Variants in DRICH1 observed in about 807,000 individuals in gnomAD.
The protein encoded by DRICH1 is aspartate-rich protein 1.
A neutral mutation model predicts 39.5 loss-of-function variants in DRICH1; 38 were observed. That is an observed-to-expected ratio of 0.96 (90% CI 0.74 to 1.26). DRICH1 has a LOEUF of 1.26. Ranked by LOEUF, DRICH1 falls within the 50% of genes most tolerant of loss-of-function variation. The probability of loss-of-function intolerance (pLI) is 0.00; values close to 1 mark genes in which losing one functional copy is unlikely to be tolerated. For synonymous variants in DRICH1, 84 were observed against 99.5 expected (o/e 0.84, Z 0.93); for missense variants, 279 against 270.4 (o/e 1.03, Z -0.22).
chr22:23,613,969 C>A (rs1157710360), intron 9 of DRICH1, among the ~76,000 whole-genome samples, 166 bp downstream of exon 9: 1 of 152,122 alleles, frequency 6.6e-6, no homozygotes, highest in Non-Finnish European at 1.5e-5. Context: ...CCTAGTGGAC[C>A]ACATATAAGT....
At chr22:23,623,418 A>G (rs1927885607) in intron 3 of DRICH1, among the ~76,000 whole-genome samples, 2 of 152,182 alleles carry the variant, frequency 1.3e-5, no homozygotes, top group Non-Finnish European at 2.9e-5. Flanking sequence ...AACAAAAAAG[A>G]AAAGAAAAAA....
At chr22:23,626,843 T>C (rs1313366110) in intron 1 of DRICH1, among the ~76,000 whole-genome samples, 2 of 152,142 alleles carry the variant, frequency 1.3e-5, no homozygotes, top group Non-Finnish European at 2.9e-5. Flanking sequence ...GAACCACTTT[T>C]AACTTTTTCC....
At chr22:23,627,045 G>A (rs1459934838) in intron 1 of DRICH1, among the ~76,000 whole-genome samples, 2 of 151,530 alleles carry the variant, frequency 1.3e-5, no homozygotes, top group East Asian at 1.9e-4. Context: ...CCATTGCACG[G>A]TGGCTGTTGT....
In DRICH1 at chr22:23,612,745, T is replaced by C. The variant is rs1927115305; in HGVS notation, c.685+544A>G. Among the ~76,000 whole-genome samples, 4 of 151,796 alleles carry C rather than the reference T, an allele frequency of 2.6e-5. No individual in the cohort carries two copies. The South Asian group carries it at 8.3e-4, about 32-fold the overall frequency. On this transcript the variant is annotated intron_variant, in intron 11 of 11. Coordinates refer to ENST00000317749, the MANE Select transcript of DRICH1 (RefSeq NM_016449.4). ...TGGAGTTTTACCAGTGACCCCAGAG[T>C]GAATATTCACTCCACCATCCACTCC...
At chr22:23,619,269 A>G in intron 6 of DRICH1, 95 bp downstream of exon 6, 1 of 734,898 alleles carries the variant, frequency 1.4e-6, no homozygotes, top group Non-Finnish European at 2.5e-6. Context: ...AAAAGTAAAA[A>G]ACATACAAAT....
Position 23,632,230 on chromosome 22 carries a change from A to C in DRICH1, c.-207T>G. 3 of 792,754 alleles carry C rather than the reference A, an allele frequency of 3.8e-6. No homozygotes were observed. In the South Asian group the frequency reaches 5.7e-5, roughly 15 times the overall value. The allele number at this position is 792,754 out of a possible 1,614,324, so 49.1% of individuals were successfully genotyped here. The stretch of plus-strand genomic sequence containing the variant: ...AGGGACCTGCTGTCTTCTTTGAAAA[A>C]TAAACGAACATGACAAGCACCCAAA... On this transcript the variant is annotated 5_prime_UTR_variant, in exon 1 of 12. An upstream open reading frame in the 5' UTR gains an earlier in-frame stop. Transcript: ENST00000317749.
intron 4 of DRICH1, among the ~76,000 whole-genome samples, chr22:23,620,884 A>T (rs1202370591): frequency 6.6e-6 from 1 of 152,212 alleles, no homozygotes; most frequent in Non-Finnish European, 1.5e-5. Flanking sequence ...CAAAGAGAAA[A>T]ACTGGTGTGG....
At chr22:23,607,546 G>GGC (rs1555908378), downstream of DRICH1, among the ~76,000 whole-genome samples, 334 of 150,656 alleles carry the variant, frequency 2.2e-3, 2 homozygotes, top group African/African-American at 7.2e-3. Context: ...GGCGGGGGGG[G>GGC]GCCTCTTGCC....
chr22:23,607,466 G>C (rs557111421), downstream of DRICH1, among the ~76,000 whole-genome samples: 1 of 151,956 alleles, frequency 6.6e-6, no homozygotes, highest in East Asian at 1.9e-4. Context: ...GACCCTCATT[G>C]TGAGGATGGG....
At chr22:23,612,384 G>A (rs34888743) in intron 11 of DRICH1, among the ~76,000 whole-genome samples, 5,453 of 149,522 alleles carry the variant, frequency 0.036, 136 homozygotes, top group East Asian at 0.072. Context: ...CGAGAATGGC[G>A]TGAACCCGGG....
chr22:23,622,148 T>C lies in DRICH1; in HGVS notation c.327A>G (p.Val109=), dbSNP rs201429034. 1.2e-5 allele frequency: 19 copies of C among 1,614,118 alleles called. No homozygotes were observed. The highest frequency in any genetic ancestry group is 6.7e-5 in the Admixed American group (4 of 60,016). The change falls in exon 4 of 12, where the codon GTA becomes GTG. Residue 109 remains valine (V), a synonymous_variant. Transcript: ENST00000317749. The part of the protein sequence containing the change: ...QGSSEDNLSL[V]CLPRSEDDDC... The stretch of plus-strand genomic sequence containing the variant: ...CATCATCTTCACTTCGTGGTAGGCA[T>C]ACTAAACTCAGGTTGTCCTCAGAAG...
the DRICH1 span, among the ~76,000 whole-genome samples, chr22:23,599,952 C>T: frequency 3.9e-5 from 6 of 152,144 alleles, no homozygotes; most frequent in South Asian, 2.1e-4. Flanking sequence ...AGGTTGATCC[C>T]GCTTTGCCTG....
intron 10 of DRICH1, 127 bp from the exon 11 acceptor site, chr22:23,613,457 C>T (rs1927163471): frequency 1.1e-6 from 1 of 944,070 alleles, no homozygotes; most frequent in South Asian, 1.3e-5. Context: ...ACATGATCCC[C>T]TAATCTTTCT....
At chr22:23,619,514 C>CT in intron 5 of DRICH1, 121 bp from the exon 6 acceptor site, 1 of 709,476 alleles carries the variant, frequency 1.4e-6, no homozygotes, top group South Asian at 1.5e-5. Flanking sequence ...TTGAAATCTA[C>CT]AAAAAACAGA....
At chr22:23,581,695 A>C in the DRICH1 span, 59,714 of 149,418 alleles carry the variant, frequency 0.4, 14,197 homozygotes, top group East Asian at 0.79. Context: ...AAACCTCCGA[A>C]TCCCTGGTTC....
At chr22:23,620,674 C>T in intron 4 of DRICH1, 59 bp from the exon 5 acceptor site, 2 of 1,582,124 alleles carry the variant, frequency 1.3e-6, no homozygotes. Context: ...GCACCCCTTA[C>T]ACAGATCTGT....
chr22:23,628,879 C>T (rs559467404), intron 1 of DRICH1, among the ~76,000 whole-genome samples: 95 of 152,240 alleles, frequency 6.2e-4, no homozygotes, highest in Non-Finnish European at 1.3e-3. Context: ...CAAGAGAAAG[C>T]AATGAAACTC....
the DRICH1 span, among the ~76,000 whole-genome samples, chr22:23,601,145 C>CGT: frequency 2.0e-3 from 284 of 144,174 alleles, 3 homozygotes; most frequent in African/African-American, 7.3e-3. Context: ...AACGCACGCG[C>CGT]GCACACACAC....
At chr22:23,621,750 C>T (rs984166081) in intron 4 of DRICH1, among the ~76,000 whole-genome samples, 7 of 152,084 alleles carry the variant, frequency 4.6e-5, no homozygotes, top group Non-Finnish European at 1.0e-4. Context: ...ACCGTCTCTA[C>T]TAAGAATACA....
Sources: gnomAD v4.1 joint callset for allele counts (sites outside exome capture counted in the v4.1 genomes callset) on GRCh38, gnomAD v4.1.1 for gene constraint, MANE v1.5 for transcripts, NCBI Gene and HGNC (gene_info 2026-07-23, HGNC 2026-07-21) for gene names.